GPR107: variants seen among roughly 807,000 people sequenced by gnomAD.
The protein encoded by GPR107 is protein GPR107.
In GPR107, 31 loss-of-function variants were observed where a neutral mutation model predicts 75.5. That is an observed-to-expected ratio of 0.41 (90% CI 0.31 to 0.55). The LOEUF (loss-of-function observed/expected upper bound fraction) is 0.55. Ranked by LOEUF, GPR107 falls within the 20% of genes least tolerant of loss-of-function variation. GPR107 has a pLI of 0.26. For missense variants in GPR107, 572 were observed against 665.7 expected (o/e 0.86, Z 1.55); for synonymous variants, 267 against 251.3 (o/e 1.06, Z -0.59).
rs539200866 is a variant in GPR107 at position 130,066,843 on chromosome 9, G to A, written c.142-8793G>A. ...TACTAAAAATACAAAAAAATTAGCC[G>A]GGTGTGGTGGCGGGCGCCTGTAGTC... On this transcript the variant is annotated intron_variant, in intron 1 of 17. Transcript: ENST00000347136. Among the ~76,000 whole-genome samples the A allele has an allele frequency of 1.6e-3, 240 of 152,296 alleles. 1 individual carries two copies. Among genetic ancestry groups the A allele is most frequent in the African/African-American group, 5.7e-3 (235 of 41,568 alleles).
At chr9:130,065,266 A>G (rs1830041450) in intron 1 of GPR107, among the ~76,000 whole-genome samples, 2 of 151,292 alleles carry the variant, frequency 1.3e-5, no homozygotes, top group Admixed American at 6.6e-5. Context: ...CCTGGCCAAC[A>G]TGGTGAAACC....
intron 14 of GPR107, among the ~76,000 whole-genome samples, chr9:130,122,706 G>A (rs544914806): frequency 7.2e-5 from 11 of 152,256 alleles, no homozygotes; most frequent in African/African-American, 2.6e-4. Flanking sequence ...GTTGGGGCTT[G>A]GTGAGTTTGT....
intron 13 of GPR107, among the ~76,000 whole-genome samples, chr9:130,105,993 T>C (rs557083469): frequency 2.6e-4 from 40 of 152,258 alleles, no homozygotes; most frequent in African/African-American, 9.4e-4. Context: ...CACTGCAGCC[T>C]CCTGCCGTCC....
At chr9:130,120,419 G>A (rs560597634) in intron 14 of GPR107, among the ~76,000 whole-genome samples, 4 of 152,194 alleles carry the variant, frequency 2.6e-5, no homozygotes, top group African/African-American at 9.6e-5. Context: ...CCCCACCCCG[G>A]TCCTTACTTG....
At chr9:130,127,449 G>A in intron 15 of GPR107, 34 bp from the exon 16 acceptor site, 1 of 1,112,860 alleles carries the variant, frequency 9.0e-7, no homozygotes, top group Non-Finnish European at 1.4e-6. Flanking sequence ...TTTTAATGTT[G>A]ATCTGATTTC....
At chr9:130,092,516 A>G (rs1192679035) in intron 9 of GPR107, 135 bp downstream of exon 9, 4 of 732,970 alleles carry the variant, frequency 5.5e-6, no homozygotes, top group Non-Finnish European at 9.6e-6. Context: ...CGGAAACAGT[A>G]TGAAGATTGT....
At chr9:130,078,788 A>C (rs1050304400) in intron 4 of GPR107, among the ~76,000 whole-genome samples, 6 of 152,192 alleles carry the variant, frequency 3.9e-5, no homozygotes. Flanking sequence ...GAAGTGCTTG[A>C]ATGTGCCAGC....
intron 1 of GPR107, among the ~76,000 whole-genome samples, chr9:130,071,214 A>G: frequency 6.9e-6 from 1 of 145,602 alleles, no homozygotes; most frequent in Non-Finnish European, 1.5e-5. Flanking sequence ...TTTTTGCTAG[A>G]GATGGGGTTT....
At chr9:130,081,050 A>G (rs980883490) in intron 5 of GPR107, among the ~76,000 whole-genome samples, 1 of 151,670 alleles carries the variant, frequency 6.6e-6, no homozygotes, top group African/African-American at 2.4e-5. Flanking sequence ...CTCTGCAAAA[A>G]TAAAAATAAA....
chr9:130,088,435 C>T (rs542803664), intron 7 of GPR107, among the ~76,000 whole-genome samples: 1 of 152,322 alleles, frequency 6.6e-6, no homozygotes, highest in South Asian at 2.1e-4. Flanking sequence ...TTATCACTTC[C>T]AACATGCTGT....
chr9:130,108,734 C>T, intron 14 of GPR107: 1 of 456,030 alleles, frequency 2.2e-6, no homozygotes, highest in South Asian at 1.5e-5. Flanking sequence ...TGGGAATAGC[C>T]CTTCTCCCGT....
At chr9:130,094,431 G>T (rs1012128963) in intron 9 of GPR107, among the ~76,000 whole-genome samples, 3 of 152,006 alleles carry the variant, frequency 2.0e-5, no homozygotes, top group Non-Finnish European at 4.4e-5. Context: ...AAAAAATCCA[G>T]TTGTGGTGGT....
chr9:130,089,648 TTA>T (rs1237308562), intron 7 of GPR107, among the ~76,000 whole-genome samples: 3 of 152,154 alleles, frequency 2.0e-5, no homozygotes, highest in Non-Finnish European at 4.4e-5. Context: ...TTAAAAAAAA[TTA>T]TATCTTTTAA....
intron 13 of GPR107, among the ~76,000 whole-genome samples, chr9:130,106,447 A>G (rs561707522): frequency 8.6e-5 from 13 of 151,870 alleles, no homozygotes; most frequent in African/African-American, 3.1e-4. Flanking sequence ...AAATATAAAA[A>G]TTAGCTGGGC....
chr9:130,117,309 C>T (rs1564681527), intron 14 of GPR107, among the ~76,000 whole-genome samples: 1 of 152,128 alleles, frequency 6.6e-6, no homozygotes, highest in Non-Finnish European at 1.5e-5. Context: ...GAATTTTATT[C>T]TGTGTGTAGT....
chr9:130,061,479 G>T (rs968879399), intron 1 of GPR107, among the ~76,000 whole-genome samples: 5 of 152,144 alleles, frequency 3.3e-5, no homozygotes, highest in African/African-American at 1.2e-4. Context: ...GTCTATGGAG[G>T]CCCCTATGGC....
At chr9:130,107,924 CT>C (rs1831199166) in intron 14 of GPR107, among the ~76,000 whole-genome samples, 1 of 152,218 alleles carries the variant, frequency 6.6e-6, no homozygotes, top group Non-Finnish European at 1.5e-5. Context: ...GCAGCCCTGC[CT>C]GCTGATTTAA....
At chr9:130,130,831 C>T (rs980376591) in intron 17 of GPR107, among the ~76,000 whole-genome samples, 8 of 147,584 alleles carry the variant, frequency 5.4e-5, no homozygotes, top group Admixed American at 4.1e-4. Flanking sequence ...GATCACGCCA[C>T]TGCACTCGAG....
chr9:130,056,923 T>TC (rs1554889256), intron 1 of GPR107, among the ~76,000 whole-genome samples: 2 of 4,234 alleles, frequency 4.7e-4, no homozygotes, highest in Non-Finnish European at 8.2e-4. Flanking sequence ...AGACTCCTTC[T>TC]CAAAAAAAAA....
Sources: gnomAD v4.1 joint callset for allele counts (sites outside exome capture counted in the v4.1 genomes callset) on GRCh38, gnomAD v4.1.1 for gene constraint, MANE v1.5 for transcripts, NCBI Gene and HGNC (gene_info 2026-07-23, HGNC 2026-07-21) for gene names.